Variants in SRGAP3 observed in about 807,000 individuals in gnomAD.
The protein encoded by SRGAP3 is SLIT-ROBO Rho GTPase-activating protein 3.
In SRGAP3, 39 loss-of-function variants were observed where a neutral mutation model predicts 121.1. The ratio of observed to expected loss-of-function variants is 0.32; its 90% confidence interval spans 0.25 to 0.42. SRGAP3 has a LOEUF of 0.42. Ranked by LOEUF, SRGAP3 falls within the 10% of genes least tolerant of loss-of-function variation. SRGAP3 has a pLI of 1.00. For missense variants in SRGAP3, 1,213 were observed against 1,470.6 expected, an observed-to-expected ratio of 0.82 and a Z score of 2.86; for synonymous variants, 601 against 570.0, an observed-to-expected ratio of 1.05 and a Z score of -0.77.
At chr3:9,258,902 G>A (rs1034489236) in intron 3 of SRGAP3, among the ~76,000 whole-genome samples, 6 of 152,060 alleles carry the variant, frequency 3.9e-5, no homozygotes, top group African/African-American at 7.2e-5. Context: ...AGCTTTTCAC[G>A]TGTGAATCAG....
chr3:9,200,240 A>G (rs540258939), intron 1 of SRGAP3, among the ~76,000 whole-genome samples: 1 of 152,370 alleles, frequency 6.6e-6, no homozygotes, highest in East Asian at 1.9e-4. Flanking sequence ...TAAATAAGCT[A>G]TATTATCAAA....
intron 3 of SRGAP3, among the ~76,000 whole-genome samples, chr3:9,289,140 C>T (rs1954831661): frequency 6.7e-6 from 1 of 148,316 alleles, no homozygotes; most frequent in African/African-American, 2.5e-5. Context: ...CTCAAGTGAT[C>T]CACCCACCTC....
chr3:9,012,904 G>T (rs1325538449), intron 17 of SRGAP3, among the ~76,000 whole-genome samples: 1 of 151,960 alleles, frequency 6.6e-6, no homozygotes, highest in Admixed American at 6.6e-5. Flanking sequence ...GTTGCTGGTT[G>T]CCTGCTTGCG....
chr3:9,050,530 G>A (rs958526319), intron 9 of SRGAP3, among the ~76,000 whole-genome samples: 4 of 152,176 alleles, frequency 2.6e-5, no homozygotes, highest in African/African-American at 4.8e-5. Context: ...AAAGGATTAC[G>A]ATGTCCTTAA....
rs565434261 is a variant in SRGAP3, at chr3:9,286,518, G to A, written n.442+39492C>T. On this transcript the variant is annotated intron_variant and non_coding_transcript_variant, in intron 3 of 3. Transcript: ENST00000490889. ...TCTATTTTTTTTTAAATCCAAGATT[G>A]ATCAGTACCTTAAAAATAACCCCAT... Among the ~76,000 whole-genome samples, 6 of 150,458 alleles carry A rather than the reference G, an allele frequency of 4.0e-5. No individual in the cohort carries two copies. In the South Asian group the frequency reaches 1.3e-3, roughly 32 times the overall value.
chr3:9,166,229 G>C (rs1485600145), intron 1 of SRGAP3, among the ~76,000 whole-genome samples: 8 of 152,134 alleles, frequency 5.3e-5, no homozygotes, highest in Non-Finnish European at 7.4e-5. Context: ...CTAGGTCTGA[G>C]CTCCAGGAAG....
intron 1 of SRGAP3, among the ~76,000 whole-genome samples, chr3:9,173,936 A>G (rs1012671119): frequency 1.3e-5 from 2 of 152,140 alleles, no homozygotes; most frequent in African/African-American, 2.4e-5. Context: ...TCATGCTCAA[A>G]AAGCACTTAT....
chr3:9,049,777 C>T (rs1048722380), intron 9 of SRGAP3, among the ~76,000 whole-genome samples: 3 of 142,694 alleles, frequency 2.1e-5, no homozygotes, highest in East Asian at 4.1e-4. Context: ...TGAGAACCTA[C>T]TTTTTTTTTT....
At position 9,249,525 on chromosome 3, in the gene SRGAP3, T is replaced by C. The variant is rs1953947172; in HGVS notation, c.-574A>G. On this transcript the variant is annotated 5_prime_UTR_variant, in exon 1 of 22. The change abolishes an upstream ATG in the 5' untranslated region. Coordinates refer to ENST00000383836, the MANE Select transcript of SRGAP3 (RefSeq NM_014850.4). The stretch of plus-strand genomic sequence containing the variant: ...GGTCAGGTTGCCAAAGGGCCGGTCA[T>C]CTCGCATCCTCCCTCCCTTCGGTGC... 3 of 243,044 alleles carry C rather than the reference T, an allele frequency of 1.2e-5. No homozygotes were observed. The East Asian group carries it at 1.8e-4, about 14-fold the overall frequency. The allele number at this position is 243,044 out of a possible 1,614,324, so 15.1% of individuals were successfully genotyped here.
rs570465014 is a variant in SRGAP3, at chr3:9,349,507, G to A, written n.214+13333C>T. Among the ~76,000 whole-genome samples the A allele has an allele frequency of 1.9e-3, 284 of 152,282 alleles. 1 individual carries two copies. Among genetic ancestry groups the A allele is most frequent in the African/African-American group, 6.4e-3 (267 of 41,562 alleles). On this transcript the variant is annotated intron_variant and non_coding_transcript_variant, in intron 1 of 3. Coordinates refer to the SRGAP3 transcript ENST00000490889. ...AGTGCTTTGTTTACTAAGGATTTGTGGGGAGGAACCATGCCAAGCCATGAC... is the reference window on the plus strand; with the variant it reads ...AGTGCTTTGTTTACTAAGGATTTGTAGGGAGGAACCATGCCAAGCCATGAC...
intron 3 of SRGAP3, among the ~76,000 whole-genome samples, chr3:9,088,503 T>C (rs1466405492): frequency 1.3e-5 from 2 of 152,182 alleles, no homozygotes; most frequent in Admixed American, 6.5e-5. Context: ...GTCCTGTGTA[T>C]AGGATGTTTA....
At chr3:9,125,950 A>G (rs1447501590) in intron 1 of SRGAP3, among the ~76,000 whole-genome samples, 1 of 152,176 alleles carries the variant, frequency 6.6e-6, no homozygotes, top group Non-Finnish European at 1.5e-5. Context: ...TCTCCAAACC[A>G]TTCAAGCCAG....
At chr3:9,229,800 A>G (rs1953132014) in intron 1 of SRGAP3, among the ~76,000 whole-genome samples, 1 of 152,222 alleles carries the variant, frequency 6.6e-6, no homozygotes. Context: ...TAAAGATACT[A>G]TTAAACTTCG....
intron 20 of SRGAP3, among the ~76,000 whole-genome samples, chr3:8,992,248 G>T (rs1482658863): frequency 2.0e-5 from 3 of 152,170 alleles, no homozygotes; most frequent in Non-Finnish European, 4.4e-5. Flanking sequence ...GACTAAAAAG[G>T]CAGTGAGAAA....
At chr3:9,018,067 G>T (rs951468087) in intron 14 of SRGAP3, among the ~76,000 whole-genome samples, 1 of 152,130 alleles carries the variant, frequency 6.6e-6, no homozygotes. Context: ...ATGAGATAAA[G>T]TGTTCTAGTT....
intron 3 of SRGAP3, among the ~76,000 whole-genome samples, chr3:9,269,664 C>A (rs940126807): frequency 6.6e-6 from 1 of 152,132 alleles, no homozygotes; most frequent in South Asian, 2.1e-4. Context: ...AGTAAGGAGG[C>A]CTTTCACAAA....
In SRGAP3 at chr3:8,994,371, G is replaced by A; in HGVS notation, c.2380C>T (p.Pro794Ser). 6.2e-7 allele frequency: 1 copy of A among 1,614,164 alleles called. No homozygotes were observed. The change falls in exon 19 of 22, where the codon CCC becomes TCC. Residue 794 changes from proline to serine, a missense_variant. Coordinates refer to ENST00000383836, the MANE Select transcript of SRGAP3 (RefSeq NM_014850.4). ...TCCTGTACAACTATGTACTGATGGG[G>A]GATGAGTCCATCCACGCCGTTGTGC... is the stretch of plus-strand genomic sequence containing the variant. Reference protein sequence around the residue: ...GRHNGVDGLIPHQYIVVQDMD... With the variant: ...GRHNGVDGLISHQYIVVQDMD...
chr3:9,202,254 T>C lies in SRGAP3; in HGVS notation c.67+46631A>G, dbSNP rs145079374. The stretch of plus-strand genomic sequence containing the variant: ...TAGCTCGCCCTTGAGGCAGTTGGAC[T>C]GGGGACTCTGGAGACTCTTCCTTGA... On this transcript the variant is annotated intron_variant, in intron 1 of 21. Coordinates refer to ENST00000383836, the MANE Select transcript of SRGAP3 (RefSeq NM_014850.4). 2.5e-3 allele frequency among the ~76,000 whole-genome samples: 387 copies of C among 152,288 alleles called. 2 individuals are homozygous for C. Among genetic ancestry groups the C allele is most frequent in the African/African-American group, 8.6e-3 (357 of 41,564 alleles).
intron 3 of SRGAP3, among the ~76,000 whole-genome samples, chr3:9,092,017 T>C (rs2669994): frequency 0.38 from 57,968 of 152,038 alleles, 11,670 homozygotes; most frequent in Non-Finnish European, 0.46. Context: ...CAGGAAGGCC[T>C]TGGAACCACC....
Sources: allele counts gnomAD v4.1 joint callset (sites outside exome capture counted in the v4.1 genomes callset), GRCh38; gene constraint gnomAD v4.1.1; transcripts MANE v1.5; gene names NCBI Gene and HGNC (gene_info 2026-07-23, HGNC 2026-07-21).